G6PC1: variants seen among roughly 807,000 people sequenced by gnomAD.
G6PC1 encodes glucose-6-phosphatase catalytic subunit 1.
G6PC1 carries 23 observed loss-of-function variants against 30.4 expected under a neutral mutation model. That is an observed-to-expected ratio of 0.76 (90% CI 0.55 to 1.07). The LOEUF is 1.07. Ranked by LOEUF, G6PC1 falls within the 50% of genes least tolerant of loss-of-function variation. The pLI, the probability that G6PC1 is intolerant of heterozygous loss-of-function variation, is 0.00. For synonymous variants in G6PC1, 163 were observed against 175.6 expected (o/e 0.93, Z 0.57); for missense variants, 391 against 433.9 (o/e 0.90, Z 0.88).
chr17:42,911,530 C>A lies in G6PC1; in HGVS notation c.*104C>A. On this transcript the variant is annotated 3_prime_UTR_variant, in exon 5 of 5. Coordinates refer to ENST00000253801, the MANE Select transcript of G6PC1 (RefSeq NM_000151.4). ...CTGGTATTTGGAGCAAGTGACATGC[C>A]ATCCATTCTGCCGTCGTGGAATTAA... The A allele has an allele frequency of 6.5e-7, 1 of 1,539,674 alleles. No individual in the cohort carries two copies. Among genetic ancestry groups the A allele is most frequent in the Non-Finnish European group, 8.9e-7 (1 of 1,122,852 alleles).
intron 4 of G6PC1, among the ~76,000 whole-genome samples, chr17:42,910,335 A>G (rs904079256): frequency 3.9e-5 from 6 of 152,198 alleles, no homozygotes; most frequent in Admixed American, 3.9e-4. Flanking sequence ...CAAGGGAGAT[A>G]ATGGTTTCAT....
intron 4 of G6PC1, 58 bp downstream of exon 4, chr17:42,909,476 T>A: frequency 8.1e-7 from 1 of 1,241,880 alleles, no homozygotes; most frequent in Non-Finnish European, 1.2e-6. Context: ...TTTCTCTCCC[T>A]AATCAGGACA....
At chr17:42,906,493 C>A (rs1410167772) in intron 2 of G6PC1, among the ~76,000 whole-genome samples, 1 of 152,130 alleles carries the variant, frequency 6.6e-6, no homozygotes, top group African/African-American at 2.4e-5. Flanking sequence ...ACACTCTCAA[C>A]AGCTACGAAA....
rs935157651 is a variant in G6PC1, at chr17:42,913,625, A to G, written c.*2199A>G. On this transcript the variant is annotated 3_prime_UTR_variant, in exon 5 of 5. Transcript: ENST00000253801. ...TGGCCAAGAATGAACATTGGCTACC[A>G]GACCACAAGTCAGCATGAGTTGCTC... 5.9e-5 allele frequency among the ~76,000 whole-genome samples: 9 copies of G among 152,350 alleles called. No individual in the cohort carries two copies. Among genetic ancestry groups the G allele is most frequent in the Non-Finnish European group, 1.3e-4 (9 of 68,040 alleles).
rs1233172989 is a variant in G6PC1, at chr17:42,903,928, T to C, written c.231-3T>C. On this transcript the variant is annotated splice_region_variant and splice_polypyrimidine_tract_variant and intron_variant, in intron 1 of 4. Transcript: ENST00000253801. ...CCCAGAAACTTGTTCTGTTTTTCCA[T>C]AGGATTCTCTTTGGACAGCGTCCAT... The C allele has an allele frequency of 2.5e-5, 40 of 1,599,316 alleles. No homozygotes were observed. Among genetic ancestry groups the C allele is most frequent in the South Asian group, 3.3e-5 (3 of 90,780 alleles).
At chr17:42,906,770 C>G (rs138920606) in intron 2 of G6PC1, among the ~76,000 whole-genome samples, 201 of 152,210 alleles carry the variant, frequency 1.3e-3, no homozygotes, top group Non-Finnish European at 2.2e-3. Context: ...GTCCCAGCTA[C>G]TCAGGGGGCT....
rs564906976 is a variant in G6PC1, at chr17:42,911,875, A to C, written c.*449A>C. ...GAAAAGCTAATGAAGCTATTGAGAA[A>C]GACCTGTTGCTAGAAGTTGGGTTGT... On this transcript the variant is annotated 3_prime_UTR_variant, in exon 5 of 5. Transcript: ENST00000253801. 5.2e-6 allele frequency: 1 copy of C among 193,670 alleles called. No homozygotes were observed. Among genetic ancestry groups the C allele is most frequent in the Admixed American group, 5.4e-5 (1 of 18,640 alleles). The allele number at this position is 193,670 out of a possible 1,614,324, so 12.0% of individuals were successfully genotyped here.
At position 42,913,121 on chromosome 17, in the gene G6PC1, A is replaced by G. The variant is rs1037263079; in HGVS notation, c.*1695A>G. On this transcript the variant is annotated 3_prime_UTR_variant, in exon 5 of 5. Coordinates refer to ENST00000253801, the MANE Select transcript of G6PC1 (RefSeq NM_000151.4). Reference sequence around the variant, plus strand: ...CCGGGCCCTCCTTGCCTGTTTTTCAATCTCATCTGATATGCAGAGTATTTC... The same window carrying G: ...CCGGGCCCTCCTTGCCTGTTTTTCAGTCTCATCTGATATGCAGAGTATTTC... 1.4e-4 allele frequency: 21 copies of G among 151,970 alleles called. No individual in the cohort carries two copies. The highest frequency in any genetic ancestry group is 4.6e-4 in the African/African-American group (19 of 41,370). The allele number at this position is 151,970 out of a possible 1,614,324, so 9.4% of individuals were successfully genotyped here. A position where few individuals can be genotyped will look rare whatever the true frequency, so the allele number is the denominator to read the frequency against.
At chr17:42,907,434 G>C (rs968182942) in intron 2 of G6PC1, 89 bp from the exon 3 acceptor site, 1 of 832,948 alleles carries the variant, frequency 1.2e-6, no homozygotes, top group African/African-American at 1.7e-5. Context: ...GGGTGGATAG[G>C]GGGATGGCTG....
At chr17:42,908,654 C>T (rs1042967930) in intron 3 of G6PC1, among the ~76,000 whole-genome samples, 7 of 150,324 alleles carry the variant, frequency 4.7e-5, no homozygotes, top group African/African-American at 1.7e-4. Context: ...ATCCATCCGC[C>T]TCAGCCTCCC....
At position 42,914,161 on chromosome 17, in the gene G6PC1, C is replaced by G. The variant is rs2151933288; in HGVS notation, c.*2735C>G. Among the ~76,000 whole-genome samples, 1 of 151,616 alleles carries G rather than the reference C, an allele frequency of 6.6e-6. No homozygotes were observed. The highest frequency in any genetic ancestry group is 2.4e-5 in the African/African-American group (1 of 41,274). On this transcript the variant is annotated 3_prime_UTR_variant, in exon 5 of 5. Transcript: ENST00000253801. ...TGCTGCCCAGGCTGGTCTTGAACTC[C>G]TGGGTTCAAGTGATCCTCCTGCCTC...
chr17:42,906,779 C>T (rs1192301835), intron 2 of G6PC1, among the ~76,000 whole-genome samples: 2 of 152,042 alleles, frequency 1.3e-5, no homozygotes, highest in Non-Finnish European at 2.9e-5. Context: ...ACTCAGGGGG[C>T]TGAGGTGGGA....
intron 1 of G6PC1, 31 bp downstream of exon 1, chr17:42,901,137 G>GA: frequency 1.3e-6 from 2 of 1,574,916 alleles, no homozygotes; most frequent in Non-Finnish European, 1.7e-6. Context: ...AGATCAGCAA[G>GA]AAAAGAGGCT....
At chr17:42,906,659 G>C (rs2056063872) in intron 2 of G6PC1, among the ~76,000 whole-genome samples, 1 of 152,144 alleles carries the variant, frequency 6.6e-6, no homozygotes, top group Non-Finnish European at 1.5e-5. Context: ...TAGGAGGATT[G>C]CTTGAGCCCA....
At chr17:42,908,215 G>C (rs1323644556) in intron 3 of G6PC1, among the ~76,000 whole-genome samples, 2 of 152,098 alleles carry the variant, frequency 1.3e-5, no homozygotes, top group African/African-American at 4.8e-5. Flanking sequence ...TCTTTTTGTA[G>C]AGACAGAGTT....
In G6PC1 at chr17:42,914,184, C is replaced by T. The variant is rs1220934980; in HGVS notation, c.*2758C>T. On this transcript the variant is annotated 3_prime_UTR_variant, in exon 5 of 5. Transcript: ENST00000253801. ...TCCTGGGTTCAAGTGATCCTCCTGC[C>T]TCAGCCTCCCAAAGTGCTGGGATTA... 6.6e-6 allele frequency among the ~76,000 whole-genome samples: 1 copy of T among 151,864 alleles called. No homozygotes were observed. The highest frequency in any genetic ancestry group is 1.5e-5 in the Non-Finnish European group (1 of 67,990).
rs2056093973 is a variant in G6PC1, at chr17:42,911,259, C to A, written c.907C>A (p.Leu303Ile). Reference sequence around the variant, plus strand: ...CCGCCTCAGCTCTATTGTAGCCTCCCTCGTCCTCCTGCACGTCTTTGACTC... The same window carrying A: ...CCGCCTCAGCTCTATTGTAGCCTCCATCGTCCTCCTGCACGTCTTTGACTC... ...PFRLSSIVAS[L>I]VLLHVFDSLK... The change falls in exon 5 of 5, where the codon CTC (leucine) becomes ATC (isoleucine). Residue 303 changes from leucine (L) to isoleucine (I), a missense_variant. Physicochemically the swap from Leu to Ile is conservative, Grantham distance 5. Coordinates refer to ENST00000253801, the MANE Select transcript of G6PC1 (RefSeq NM_000151.4). The A allele has an allele frequency of 6.2e-7, 1 of 1,614,234 alleles. No homozygotes were observed. The highest frequency in any genetic ancestry group is 2.2e-5 in the East Asian group (1 of 44,882).
intron 4 of G6PC1, among the ~76,000 whole-genome samples, chr17:42,910,136 C>T (rs1488005291): frequency 6.6e-6 from 1 of 152,120 alleles, no homozygotes; most frequent in Non-Finnish European, 1.5e-5. Context: ...CAAGGGTGAG[C>T]CACCGCACCC....
chr17:42,905,862 G>A (rs2056058966), intron 2 of G6PC1, among the ~76,000 whole-genome samples: 1 of 151,872 alleles, frequency 6.6e-6, no homozygotes, highest in African/African-American at 2.4e-5. Context: ...GGCCAACATG[G>A]TGAAACCTCG....
Sources: gnomAD v4.1 joint callset for allele counts (sites outside exome capture counted in the v4.1 genomes callset) on GRCh38, gnomAD v4.1.1 for gene constraint, MANE v1.5 for transcripts, NCBI Gene and HGNC (gene_info 2026-07-23, HGNC 2026-07-21) for gene names.